Variants in TRHDE observed in about 807,000 individuals in gnomAD.
TRHDE encodes the protein thyrotropin-releasing hormone-degrading ectoenzyme.
In TRHDE, 72 loss-of-function variants were observed where a neutral mutation model predicts 125.7. That is an observed-to-expected ratio of 0.57 (90% CI 0.47 to 0.70). The LOEUF (loss-of-function observed/expected upper bound fraction) is 0.70, where lower values mean the gene tolerates loss of function less well. Among genes scored for constraint, TRHDE ranks in the 30% least tolerant of loss-of-function variants. The pLI is 0.00. For missense variants in TRHDE, 1,110 were observed against 1,327.1 expected (o/e 0.84, Z 2.54); for synonymous variants, 509 against 509.1 (o/e 1.00, Z 0.00).
At chr12:72,462,076 A>G (rs1373906904) in intron 3 of TRHDE, among the ~76,000 whole-genome samples, 1 of 152,166 alleles carries the variant, frequency 6.6e-6, no homozygotes, top group Admixed American at 6.5e-5. Flanking sequence ...GGACTCCACA[A>G]CTTGCAGCTT....
At chr12:72,404,847 T>C (rs757808624) in intron 3 of TRHDE, among the ~76,000 whole-genome samples, 14 of 152,212 alleles carry the variant, frequency 9.2e-5, no homozygotes, top group Non-Finnish European at 2.1e-4. Flanking sequence ...TTCTGAGATA[T>C]GTAACCATGG....
chr12:72,263,359 T>A (rs1160902312), intron 2 of TRHDE: 1 of 147,560 alleles, frequency 6.8e-6, no homozygotes, highest in Non-Finnish European at 1.5e-5. Flanking sequence ...GGTCCCCAGG[T>A]TAAAAAAAAA....
intron 2 of TRHDE, among the ~76,000 whole-genome samples, chr12:72,313,337 T>C (rs1220061988): frequency 6.6e-6 from 1 of 151,948 alleles, no homozygotes; most frequent in Admixed American, 6.6e-5. Flanking sequence ...ATACAAGTGT[T>C]TTTTCTTTTC....
intron 2 of TRHDE, among the ~76,000 whole-genome samples, chr12:72,243,705 G>A (rs1488175131): frequency 2.0e-5 from 3 of 151,872 alleles, no homozygotes; most frequent in Non-Finnish European, 4.4e-5. Flanking sequence ...CTGGTTCATT[G>A]GAATATTTTA....
intron 6 of TRHDE, among the ~76,000 whole-genome samples, chr12:72,529,521 TA>T (rs1868433762): frequency 6.6e-6 from 1 of 152,192 alleles, no homozygotes; most frequent in Admixed American, 6.6e-5. Context: ...TCTTTGCTGC[TA>T]TACAATATGT....
rs778449454 is a variant in TRHDE at position 72,286,881 on chromosome 12, T to C, written c.1115T>C (p.Met372Thr). 1.2e-6 allele frequency: 2 copies of C among 1,614,026 alleles called. No individual in the cohort carries two copies. The highest frequency in any genetic ancestry group is 1.3e-5 in the African/African-American group (1 of 75,004). Reference sequence around the variant, plus strand: ...GATCACTTTTCACAGACCCCTCTCATGTCCACATATTATTTAGCCTGGGCA... The same window carrying C: ...GATCACTTTTCACAGACCCCTCTCACGTCCACATATTATTTAGCCTGGGCA... ...VTDHFSQTPL[M>T]STYYLAWAIC... The change falls in exon 2 of 19, where the codon ATG becomes ACG. Residue 372 changes from methionine to threonine, a missense_variant. Coordinates refer to ENST00000261180, the MANE Select transcript of TRHDE (RefSeq NM_013381.3).
intron 6 of TRHDE, among the ~76,000 whole-genome samples, chr12:72,524,127 C>T (rs1868293283): frequency 6.6e-6 from 1 of 152,064 alleles, no homozygotes; most frequent in Non-Finnish European, 1.5e-5. Flanking sequence ...ATCCATTTCT[C>T]AATGATATAC....
intron 12 of TRHDE, among the ~76,000 whole-genome samples, chr12:72,577,173 AAAAG>A (rs1299040936): frequency 1.3e-5 from 2 of 152,178 alleles, no homozygotes; most frequent in African/African-American, 2.4e-5. Context: ...GAGAAGCAGA[AAAAG>A]AGAGAGTGAG....
intron 2 of TRHDE, among the ~76,000 whole-genome samples, chr12:72,288,968 C>T (rs778903499): frequency 3.3e-5 from 5 of 152,088 alleles, no homozygotes; most frequent in East Asian, 1.9e-4. Context: ...ACAAAATTGC[C>T]GTTGGGAGCT....
At chr12:72,383,269 T>C (rs1241839471) in intron 3 of TRHDE, among the ~76,000 whole-genome samples, 1 of 152,170 alleles carries the variant, frequency 6.6e-6, no homozygotes, top group East Asian at 1.9e-4. Context: ...AGAATTGTTA[T>C]CTTTTTTTAT....
intron 2 of TRHDE, among the ~76,000 whole-genome samples, chr12:72,139,440 T>C (rs1192390019): frequency 6.6e-6 from 1 of 152,228 alleles, no homozygotes; most frequent in African/African-American, 2.4e-5. Flanking sequence ...ATATGTTTTA[T>C]GTAAAATACA....
chr12:72,376,340 T>A (rs1565718685), intron 2 of TRHDE, among the ~76,000 whole-genome samples: 1 of 152,192 alleles, frequency 6.6e-6, no homozygotes, highest in Admixed American at 6.5e-5. Context: ...CATCCTTTTT[T>A]AAAGGTCCGC....
Position 72,619,928 on chromosome 12 carries a change from T to C in TRHDE, c.2469+890T>C, listed in dbSNP as rs1872974771. ...ATTTCTGATGCCCATCAGAATTCCT[T>C]CCTTTTTATTTTTACTTTAAACCTA... On this transcript the variant is annotated intron_variant, in intron 13 of 18. Transcript: ENST00000261180. 2.6e-5 allele frequency among the ~76,000 whole-genome samples: 4 copies of C among 152,260 alleles called. No homozygotes were observed. In the South Asian group the frequency reaches 8.3e-4, roughly 32 times the overall value.
chr12:72,541,629 G>A (rs758182067), intron 6 of TRHDE, among the ~76,000 whole-genome samples: 2 of 151,342 alleles, frequency 1.3e-5, no homozygotes, highest in Non-Finnish European at 3.0e-5. Flanking sequence ...CTATTTTTCA[G>A]ACCTAGTTCA....
At chr12:72,246,750 T>A (rs1240520501) in intron 2 of TRHDE, among the ~76,000 whole-genome samples, 1 of 152,216 alleles carries the variant, frequency 6.6e-6, no homozygotes, top group African/African-American at 2.4e-5. Flanking sequence ...ATTTTCTTCT[T>A]TATATTAAGG....
chr12:72,500,923 C>A (rs1362818116), intron 6 of TRHDE, among the ~76,000 whole-genome samples: 1 of 143,602 alleles, frequency 7.0e-6, no homozygotes, highest in African/African-American at 2.6e-5. Flanking sequence ...TTGTAAACTC[C>A]TACAAAGATT....
At chr12:72,102,046 C>T (rs558553322) in intron 1 of TRHDE, among the ~76,000 whole-genome samples, 1 of 152,188 alleles carries the variant, frequency 6.6e-6, no homozygotes, top group South Asian at 2.1e-4. Context: ...AAAGCAAGGG[C>T]CTCTCGATGG....
chr12:72,480,531 T>C (rs1480793685), intron 5 of TRHDE, among the ~76,000 whole-genome samples: 3 of 152,182 alleles, frequency 2.0e-5, no homozygotes, highest in Non-Finnish European at 4.4e-5. Flanking sequence ...GTATTCCCTA[T>C]GGAATAAAGT....
At chr12:72,447,151 A>G (rs1201950758) in intron 3 of TRHDE, among the ~76,000 whole-genome samples, 2 of 152,136 alleles carry the variant, frequency 1.3e-5, no homozygotes, top group African/African-American at 4.8e-5. Flanking sequence ...AAGAACAGAA[A>G]TTATAACAAA....
Sources: allele counts gnomAD v4.1 joint callset (sites outside exome capture counted in the v4.1 genomes callset), GRCh38; gene constraint gnomAD v4.1.1; transcripts MANE v1.5; gene names NCBI Gene and HGNC (gene_info 2026-07-23, HGNC 2026-07-21).